Variants in NEFH observed in about 807,000 individuals in gnomAD.
NEFH encodes the protein neurofilament heavy chain.
A neutral mutation model predicts 56.6 loss-of-function variants in NEFH; 58 were observed. The observed-to-expected ratio is 1.03, with a 90% CI of 0.83 to 1.28. The LOEUF is 1.28. NEFH is among the 50% of genes most tolerant of loss of function. The pLI is 0.00. For synonymous variants in NEFH, 542 were observed against 545.8 expected, an observed-to-expected ratio of 0.99 and a Z score of 0.10; for missense variants, 1,221 against 1,307.6, an observed-to-expected ratio of 0.93 and a Z score of 1.02.
intron 1 of NEFH, 36 bp downstream of exon 1, chr22:29,481,181 T>A (rs1016522580): frequency 9.2e-6 from 14 of 1,521,500 alleles, no homozygotes; most frequent in Non-Finnish European, 1.2e-5. Context: ...GGGGCGCCCC[T>A]GCTGACCCCG....
intron 3 of NEFH, 48 bp from the exon 4 acceptor site, chr22:29,488,801 G>A: frequency 6.3e-7 from 1 of 1,584,744 alleles, no homozygotes; most frequent in Non-Finnish European, 8.7e-7. Flanking sequence ...CCCAAATAGT[G>A]AATTTGCCCT....
intron 1 of NEFH, 28 bp downstream of exon 1, chr22:29,481,173 G>GGCGCCCCTGCTGACCCCGCA (rs1555949841): frequency 6.8e-6 from 8 of 1,180,934 alleles, no homozygotes; most frequent in Non-Finnish European, 9.6e-6. Flanking sequence ...TGGGGGGAGG[G>GGCGCCCCTGCTGACCCCGCA]GCGCCCCTGC....
At chr22:29,487,173 CG>C (rs957951184) in intron 3 of NEFH, among the ~76,000 whole-genome samples, 1 of 151,998 alleles carries the variant, frequency 6.6e-6, no homozygotes, top group Admixed American at 6.6e-5. Flanking sequence ...GGAATAAGAC[CG>C]GGGGGAGCAG....
Position 29,481,034 on chromosome 22 carries a change from G to T in NEFH, c.772G>T (p.Glu258Ter), listed in dbSNP as rs1019039034. Residue 258 changes from glutamate to a stop codon, truncating the protein, a stop_gained, in exon 1 of 4, where the codon GAG (glutamate) becomes TAG (stop). Transcript: ENST00000310624. LOFTEE classifies it high-confidence loss of function. ...SGAAQAQMQA[E>*]TRDALKCDVT... is the part of the protein sequence containing the mutation. ...CGCCGCGCAGGCGCAGATGCAGGCC[G>T]AGACGCGCGACGCCCTGAAGTGCGA... 3 of 1,531,430 alleles carry T rather than the reference G, an allele frequency of 2.0e-6. No individual in the cohort carries two copies. The highest frequency in any genetic ancestry group is 2.6e-6 in the Non-Finnish European group (3 of 1,145,232). The allele number at this position is 1,531,430 out of a possible 1,614,324, so 94.9% of individuals were successfully genotyped here. A position where few individuals can be genotyped will look rare whatever the true frequency, so the allele number is the denominator to read the frequency against.
At chr22:29,487,962 G>A (rs1023770188) in intron 3 of NEFH, among the ~76,000 whole-genome samples, 4 of 152,132 alleles carry the variant, frequency 2.6e-5, no homozygotes, top group African/African-American at 7.2e-5. Context: ...GAGAAACTGC[G>A]GCCTCTACCC....
At position 29,483,568 on chromosome 22, in the gene NEFH, C is replaced by G. The variant is rs1473910446; in HGVS notation, c.1077C>G (p.Ser359=). The G allele has an allele frequency of 6.2e-7, 1 of 1,613,636 alleles. No homozygotes were observed. The highest frequency in any genetic ancestry group is 8.5e-7 in the Non-Finnish European group (1 of 1,179,970). The change falls in exon 2 of 4, where the codon TCC becomes TCG. Residue 359 remains serine (S), a synonymous_variant. Coordinates refer to ENST00000310624, the MANE Select transcript of NEFH (RefSeq NM_021076.4). ...LEDRHQADIA[S]YQEAIQQLDA... ...ACCGTCATCAGGCCGACATTGCCTC[C>G]TACCAGGTGGGCAGGGGCAAGGCAG...
At position 29,480,616 on chromosome 22, in the gene NEFH, G is replaced by T; in HGVS notation, c.354G>T (p.Leu118=). Reference sequence around the variant, plus strand: ...GGTACATCGACAAGGTGCGGCAGCTGGAGGCGCACAACCGCAGCCTGGAGG... The same window carrying T: ...GGTACATCGACAAGGTGCGGCAGCTTGAGGCGCACAACCGCAGCCTGGAGG... ...FAGYIDKVRQ[L]EAHNRSLEGE... Residue 118 remains leucine, a synonymous_variant, in exon 1 of 4, where the codon CTG becomes CTT. Coordinates refer to ENST00000310624, the MANE Select transcript of NEFH (RefSeq NM_021076.4). The T allele has an allele frequency of 6.4e-7, 1 of 1,564,226 alleles. No individual in the cohort carries two copies. Among genetic ancestry groups the T allele is most frequent in the Non-Finnish European group, 8.6e-7 (1 of 1,164,532 alleles).
chr22:29,481,371 T>C (rs1331566996), intron 1 of NEFH, among the ~76,000 whole-genome samples: 1 of 152,142 alleles, frequency 6.6e-6, no homozygotes, highest in Admixed American at 6.5e-5. Context: ...CCAGGTTCTT[T>C]ACGGCTGTAC....
In NEFH at chr22:29,490,814, C is replaced by G. The variant is rs1235240018; in HGVS notation, c.*111C>G. ...TTTTCTGTCTTTATGTAAGAAGAAA[C>G]TGCTTAGATGACGGGGCCTCCTTCT... On this transcript the variant is annotated 3_prime_UTR_variant, in exon 4 of 4. Transcript: ENST00000310624. 6.5e-7 allele frequency: 1 copy of G among 1,547,442 alleles called. No individual in the cohort carries two copies. The highest frequency in any genetic ancestry group is 1.2e-5 in the South Asian group (1 of 84,624).
intron 3 of NEFH, among the ~76,000 whole-genome samples, chr22:29,487,592 A>G (rs916974123): frequency 1.3e-5 from 2 of 152,168 alleles, no homozygotes; most frequent in Non-Finnish European, 2.9e-5. Context: ...TGATCGTGCC[A>G]CTGCACTCCA....
chr22:29,490,514 G>C lies in NEFH; in HGVS notation c.2874G>C (p.Lys958Asn). Residue 958 changes from lysine (K) to asparagine (N), a missense_variant, in exon 4 of 4, where the codon AAG (lysine) becomes AAC (asparagine). Coordinates refer to ENST00000310624, the MANE Select transcript of NEFH (RefSeq NM_021076.4). ...CAGCACCGGAGAAAAAAGACACCAA[G>C]GAGGAGAAGGCCAAGAAGCCTGAGG... ...KEAAPEKKDT[K>N]EEKAKKPEEK... The C allele has an allele frequency of 6.3e-7, 1 of 1,594,502 alleles. No individual in the cohort carries two copies. Among genetic ancestry groups the C allele is most frequent in the Non-Finnish European group, 8.5e-7 (1 of 1,174,592 alleles).
At position 29,480,732 on chromosome 22, in the gene NEFH, T is replaced by TGCGGCGCCTGGGCGCGGC; in HGVS notation, c.472_473insGGCGCCTGGGCGCGGCGC (p.Val157_Leu158insArgArgLeuGlyAlaAla). On this transcript the variant is annotated inframe_insertion, in exon 1 of 4. Coordinates refer to ENST00000310624, the MANE Select transcript of NEFH (RefSeq NM_021076.4). ...GAGGTCCGCGAGATGCGCGGCGCGG[T>TGCGGCGCCTGGGCGCGGC]GCTGCGCCTGGGCGCGGCGCGCGGT... The TGCGGCGCCTGGGCGCGGC allele has an allele frequency of 6.8e-7, 1 of 1,470,318 alleles. No homozygotes were observed. Among genetic ancestry groups the TGCGGCGCCTGGGCGCGGC allele is most frequent in the Non-Finnish European group, 8.9e-7 (1 of 1,121,542 alleles). 91.1% of individuals were successfully genotyped at this position (1,470,318 alleles called of 1,614,324 possible).
Position 29,480,873 on chromosome 22 carries a change from G to A in NEFH, c.611G>A (p.Arg204His). 1 of 1,413,210 alleles carries A rather than the reference G, an allele frequency of 7.1e-7. No individual in the cohort carries two copies. Among genetic ancestry groups the A allele is most frequent in the Admixed American group, 3.5e-5 (1 of 28,870 alleles). The allele number at this position is 1,413,210 out of a possible 1,614,324, so 87.5% of individuals were successfully genotyped here. The stretch of plus-strand genomic sequence containing the variant: ...GAGGCGGCGGCCCGCGCGCTGGCGC[G>A]CTTCGCGCAGGAGGCCGAGGCGGCG... Reference protein sequence around the residue: ...EAEAAARALARFAQEAEAARV... With the variant: ...EAEAAARALAHFAQEAEAARV... Residue 204 changes from arginine to histidine, a missense_variant, in exon 1 of 4, where the codon CGC becomes CAC. Arg to His is a conservative substitution (Grantham distance 29). This residue lies in a region of NEFH where 640 missense variants were observed against 555.5 expected (regional missense o/e 1.15). Transcript: ENST00000310624.
At position 29,480,657 on chromosome 22, in the gene NEFH, T is replaced by A; in HGVS notation, c.395T>A (p.Leu132Gln). The A allele has an allele frequency of 1.3e-5, 20 of 1,554,260 alleles. No homozygotes were observed. The highest frequency in any genetic ancestry group is 1.7e-5 in the Non-Finnish European group (20 of 1,159,086). ...NRSLEGEAAALRQQQAGRSAM... is the reference protein window; with the variant it reads ...NRSLEGEAAAQRQQQAGRSAM... ...AGCCTGGAGGGCGAGGCTGCGGCGC[T>A]GCGGCAGCAGCAGGCGGGCCGCTCC... The change falls in exon 1 of 4, where the codon CTG becomes CAG. Residue 132 changes from leucine to glutamine, a missense_variant. Leu to Gln is a moderately radical substitution (Grantham distance 113, BLOSUM62 -2). Coordinates refer to ENST00000310624, the MANE Select transcript of NEFH (RefSeq NM_021076.4).
chr22:29,490,471 C>T lies in NEFH; in HGVS notation c.2831C>T (p.Pro944Leu). Residue 944 changes from proline (P) to leucine (L), a missense_variant, in exon 4 of 4, where the codon CCA becomes CTA. Pro to Leu is a moderately conservative substitution (Grantham distance 98). Coordinates refer to ENST00000310624, the MANE Select transcript of NEFH (RefSeq NM_021076.4). ...GCCAAGGCCAAGGAACCCAGCAAAC[C>T]AGCAGAGAAGAAGGAGGCAGCACCG... Reference protein sequence around the residue: ...DDAKAKEPSKPAEKKEAAPEK... With the variant: ...DDAKAKEPSKLAEKKEAAPEK... 6.3e-7 allele frequency: 1 copy of T among 1,591,266 alleles called. No homozygotes were observed. The highest frequency in any genetic ancestry group is 8.5e-7 in the Non-Finnish European group (1 of 1,173,990).
In NEFH at chr22:29,480,255, C is replaced by G; in HGVS notation, c.-8C>G. 6.6e-7 allele frequency: 1 copy of G among 1,509,824 alleles called. No individual in the cohort carries two copies. The highest frequency in any genetic ancestry group is 1.4e-5 in the African/African-American group (1 of 69,206). The allele number at this position is 1,509,824 out of a possible 1,614,324, so 93.5% of individuals were successfully genotyped here. A position where few individuals can be genotyped will look rare whatever the true frequency, so the allele number is the denominator to read the frequency against. ...GCCCCGTCCCGGCCTCGCGCACCTGCTCAGGCCATGATGAGCTTCGGCGGC... is the reference window on the plus strand; with the variant it reads ...GCCCCGTCCCGGCCTCGCGCACCTGGTCAGGCCATGATGAGCTTCGGCGGC... On this transcript the variant is annotated 5_prime_UTR_variant, in exon 1 of 4. Transcript: ENST00000310624.
rs2062994773 is a variant in NEFH at position 29,480,285 on chromosome 22, A to C, written c.23A>C (p.Asp8Ala). ...GCCATGATGAGCTTCGGCGGCGCGG[A>C]CGCGCTGCTGGGCGCCCCGTTCGCG... MMSFGGA[D>A]ALLGAPFAPL... The change falls in exon 1 of 4, where the codon GAC (aspartate) becomes GCC (alanine). Residue 8 changes from aspartate to alanine, a missense_variant. Transcript: ENST00000310624. The C allele has an allele frequency of 6.6e-7, 1 of 1,509,408 alleles. No homozygotes were observed. The highest frequency in any genetic ancestry group is 1.4e-5 in the African/African-American group (1 of 69,288). The allele number at this position is 1,509,408 out of a possible 1,614,324, so 93.5% of individuals were successfully genotyped here.
chr22:29,480,537 C>T lies in NEFH; in HGVS notation c.275C>T (p.Ala92Val), dbSNP rs1433329955. The T allele has an allele frequency of 6.5e-7, 1 of 1,537,638 alleles. No homozygotes were observed. Among genetic ancestry groups the T allele is most frequent in the Non-Finnish European group, 8.7e-7 (1 of 1,148,512 alleles). ...CCGGAGGGCTGCATGGTGGCGGTGG[C>T]CACCTCACGCAGTGAGAAGGAGCAG... ...NGPEGCMVAVATSRSEKEQLQ... is the reference protein window; with the variant it reads ...NGPEGCMVAVVTSRSEKEQLQ... Residue 92 changes from alanine (A) to valine (V), a missense_variant, in exon 1 of 4, where the codon GCC (alanine) becomes GTC (valine). By Grantham distance (64) the Ala-to-Val change is moderately conservative (BLOSUM62 0). This residue lies in a region of NEFH where 640 missense variants were observed against 555.5 expected (regional missense o/e 1.15). Transcript: ENST00000310624.
In NEFH at chr22:29,490,061, C is replaced by T. The variant is rs367548959; in HGVS notation, c.2421C>T (p.Ala807=). ...EKAKSPLKED[A]KAPEKEIPKK... The stretch of plus-strand genomic sequence containing the variant: ...CGAAATCTCCCCTGAAGGAGGATGC[C>T]AAGGCCCCTGAGAAGGAGATCCCAA... Residue 807 remains alanine, a synonymous_variant, in exon 4 of 4, where the codon GCC becomes GCT. Transcript: ENST00000310624. 21 of 1,610,450 alleles carry T rather than the reference C, an allele frequency of 1.3e-5. No individual in the cohort carries two copies. The African/African-American group carries it at 2.3e-4, about 18-fold the overall frequency.
Sources: allele counts gnomAD v4.1 joint callset (sites outside exome capture counted in the v4.1 genomes callset), GRCh38; gene constraint gnomAD v4.1.1; regional missense constraint gnomAD v4.1.1; transcripts MANE v1.5; gene names NCBI Gene and HGNC (gene_info 2026-07-23, HGNC 2026-07-21).